Variants in TSKS observed in about 807,000 individuals in gnomAD.
The protein encoded by TSKS is testis-specific serine kinase substrate.
In TSKS, 27 loss-of-function variants were observed where a neutral mutation model predicts 68.0. The ratio of observed to expected loss-of-function variants is 0.40; its 90% CI spans 0.29 to 0.55. The LOEUF is 0.55. Among genes scored for constraint, TSKS ranks in the 20% least tolerant of loss-of-function variants. The probability of loss-of-function intolerance (pLI) is 0.53; values close to 1 mark genes in which losing one functional copy is unlikely to be tolerated. For synonymous variants in TSKS, 331 were observed against 340.4 expected (o/e 0.97, Z 0.30); for missense variants, 806 against 776.0 (o/e 1.04, Z -0.46).
At chr19:49,747,508 C>T in intron 4 of TSKS, 36 bp from the exon 5 acceptor site, 1 of 1,606,702 alleles carries the variant, frequency 6.2e-7, no homozygotes, top group Non-Finnish European at 8.5e-7. Context: ...CCTGCCTTCC[C>T]ATTCCAGTTC....
At chr19:49,748,266 C>T (rs2084319657) in intron 3 of TSKS, 98 bp from the exon 4 acceptor site, 19 of 1,563,382 alleles carry the variant, frequency 1.2e-5, no homozygotes, top group Non-Finnish European at 1.6e-5. Flanking sequence ...CTTTCTGAGC[C>T]TCAAGCTCCC....
chr19:49,742,250 T>C (rs891066088), intron 8 of TSKS, among the ~76,000 whole-genome samples: 5 of 152,048 alleles, frequency 3.3e-5, no homozygotes, highest in Admixed American at 1.3e-4. Flanking sequence ...CAGGCTGGAG[T>C]GCAGTGGCGC....
chr19:49,760,881 G>C (rs893026059), intron 2 of TSKS, among the ~76,000 whole-genome samples: 4 of 152,066 alleles, frequency 2.6e-5, no homozygotes, highest in African/African-American at 9.7e-5. Flanking sequence ...CTGAGGTCCG[G>C]AGTTCGAGAC....
intron 2 of TSKS, among the ~76,000 whole-genome samples, chr19:49,753,824 A>C (rs935448139): frequency 7.3e-5 from 11 of 151,236 alleles, no homozygotes; most frequent in Non-Finnish European, 1.3e-4. Flanking sequence ...AATAACAACA[A>C]ATCCTTATGA....
In TSKS at chr19:49,746,719, T is replaced by A; in HGVS notation, c.743A>T (p.Glu248Val). Residue 248 changes from glutamate (E) to valine (V), a missense_variant, in exon 6 of 11, where the codon GAG becomes GTG. Physicochemically the swap from Glu to Val is moderately radical, Grantham distance 121. Coordinates refer to ENST00000246801, the MANE Select transcript of TSKS (RefSeq NM_021733.2). ...RQEAELQEPE[E>V]KQEPEEKQEP... ...CTGCTTCTCCTCCGGCTCCTGCTTCTCCTCCGGCTCCTGCAGCTCGGCCTC... is the reference window on the plus strand; with the variant it reads ...CTGCTTCTCCTCCGGCTCCTGCTTCACCTCCGGCTCCTGCAGCTCGGCCTC... The A allele has an allele frequency of 6.2e-7, 1 of 1,602,314 alleles. No individual in the cohort carries two copies. Among genetic ancestry groups the A allele is most frequent in the Middle Eastern group, 1.7e-4 (1 of 5,804 alleles).
In TSKS at chr19:49,746,532, G is replaced by T; in HGVS notation, c.930C>A (p.Gly310=). 1.2e-6 allele frequency: 2 copies of T among 1,613,656 alleles called. No homozygotes were observed. Residue 310 remains glycine (G), a synonymous_variant, in exon 6 of 11, where the codon GGC becomes GGA. Coordinates refer to ENST00000246801, the MANE Select transcript of TSKS (RefSeq NM_021733.2). ...CCTGCTCGCTCACGTAGGGGCCCTC[G>T]CCAGCCCGAGGCCCCATTCCCCAGC... is the stretch of plus-strand genomic sequence containing the variant. ...PAGWGMGPRA[G]EGPYVSEQEL...
chr19:49,745,991 G>A (rs2084295591), intron 6 of TSKS, among the ~76,000 whole-genome samples: 1 of 152,094 alleles, frequency 6.6e-6, no homozygotes, highest in African/African-American at 2.4e-5. Flanking sequence ...AGGCCATCCT[G>A]GCTAACACGG....
chr19:49,743,623 T>G (rs1340701487), intron 8 of TSKS, among the ~76,000 whole-genome samples: 2 of 150,444 alleles, frequency 1.3e-5, no homozygotes, highest in Non-Finnish European at 3.0e-5. Flanking sequence ...TCAGCCTTCC[T>G]AGTAGCTGGG....
At chr19:49,760,905 A>G (rs1398821757) in intron 2 of TSKS, among the ~76,000 whole-genome samples, 3 of 152,054 alleles carry the variant, frequency 2.0e-5, no homozygotes, top group Non-Finnish European at 2.9e-5. Flanking sequence ...CCTGACCAAC[A>G]TGGAGAAACC....
intron 3 of TSKS, 102 bp downstream of exon 3, chr19:49,748,272 C>A: frequency 6.4e-7 from 1 of 1,558,812 alleles, no homozygotes; most frequent in Non-Finnish European, 8.8e-7. Flanking sequence ...GAGCCTCAAG[C>A]TCCCCAACTG....
intron 2 of TSKS, among the ~76,000 whole-genome samples, chr19:49,755,539 A>G (rs2067954135): frequency 6.6e-6 from 1 of 152,048 alleles, no homozygotes; most frequent in African/African-American, 2.4e-5. Flanking sequence ...ATAAAAAACA[A>G]CAATAAGAAG....
chr19:49,763,056 T>G lies in TSKS; in HGVS notation c.170+22A>C. 6.2e-7 allele frequency: 1 copy of G among 1,606,814 alleles called. No individual in the cohort carries two copies. Among genetic ancestry groups the G allele is most frequent in the Non-Finnish European group, 8.5e-7 (1 of 1,176,260 alleles). On this transcript the variant is annotated intron_variant, in intron 1 of 10. Coordinates refer to ENST00000246801, the MANE Select transcript of TSKS (RefSeq NM_021733.2). The surrounding 1 kb of genome is among the most constrained non-coding windows in gnomAD (Gnocchi z 4.5). ...TAGTGCTGGGCATTAGAACCATCCC[T>G]GACAGTGTGCAACAAACCCACCCGT...
At chr19:49,762,998 G>T (rs908265033) in intron 1 of TSKS, 80 bp downstream of exon 1, 1 of 1,480,734 alleles carries the variant, frequency 6.8e-7, no homozygotes, top group East Asian at 2.6e-5. Flanking sequence ...CCTTCCTCTA[G>T]CACCCACAGT....
intron 9 of TSKS, among the ~76,000 whole-genome samples, chr19:49,740,799 G>A (rs1016363191): frequency 1.3e-5 from 2 of 151,870 alleles, no homozygotes; most frequent in Non-Finnish European, 2.9e-5. Context: ...CACGAGAATC[G>A]TTTGAACCTG....
intron 8 of TSKS, 115 bp from the exon 9 acceptor site, chr19:49,742,135 G>C (rs1458048193): frequency 5.3e-5 from 63 of 1,190,798 alleles, no homozygotes; most frequent in Non-Finnish European, 7.3e-5. Flanking sequence ...TGCACCCTAT[G>C]CAACCTTCCC....
At chr19:49,745,066 G>T in intron 7 of TSKS, 136 bp downstream of exon 7, 2 of 840,876 alleles carry the variant, frequency 2.4e-6, no homozygotes, top group East Asian at 2.9e-5. Context: ...TCTAATTGGT[G>T]TTTCCCGATG....
intron 2 of TSKS, among the ~76,000 whole-genome samples, chr19:49,758,218 G>A (rs1360233518): frequency 6.6e-6 from 1 of 151,396 alleles, no homozygotes; most frequent in Non-Finnish European, 1.5e-5. Context: ...TCTCTCTCTG[G>A]GTCTCTGTGT....
intron 6 of TSKS, 78 bp downstream of exon 6, chr19:49,746,392 C>T: frequency 6.5e-7 from 1 of 1,550,074 alleles, no homozygotes; most frequent in Non-Finnish European, 8.8e-7. Context: ...GGGTCCCGCC[C>T]ACCGCATCTC....
At chr19:49,755,192 A>G (rs934433793) in intron 2 of TSKS, among the ~76,000 whole-genome samples, 1 of 152,220 alleles carries the variant, frequency 6.6e-6, no homozygotes, top group Non-Finnish European at 1.5e-5. Flanking sequence ...GAACTTGAAC[A>G]TAGCTCAACT....
Sources: allele counts gnomAD v4.1 joint callset (sites outside exome capture counted in the v4.1 genomes callset), GRCh38; gene constraint gnomAD v4.1.1; non-coding constraint Gnocchi (gnomAD v3.1); transcripts MANE v1.5; gene names NCBI Gene and HGNC (gene_info 2026-07-23, HGNC 2026-07-21).